The following POMT2 variants were observed in gnomAD, a reference collection of about 807,000 sequenced individuals.
POMT2 encodes the protein protein O-mannosyl-transferase 2.
POMT2 carries 75 observed loss-of-function variants against 100.0 expected under a neutral mutation model. The ratio of observed to expected loss-of-function variants is 0.75; its 90% CI spans 0.62 to 0.91. The LOEUF (loss-of-function observed/expected upper bound fraction) is 0.91. Among genes scored for constraint, POMT2 ranks in the 40% least tolerant of loss-of-function variants. The pLI, the probability that POMT2 is intolerant of heterozygous loss-of-function variation, is 0.00. For synonymous variants in POMT2, 378 were observed against 374.1 expected, an observed-to-expected ratio of 1.01 and a Z score of -0.12; for missense variants, 940 against 955.1, an observed-to-expected ratio of 0.98 and a Z score of 0.21.
chr14:77,318,982 C>A (rs1160553584), intron 1 of POMT2, among the ~76,000 whole-genome samples: 1 of 152,126 alleles, frequency 6.6e-6, no homozygotes, highest in Non-Finnish European at 1.5e-5. Flanking sequence ...GTGATCTGCC[C>A]GCCTCGGCCT....
At position 77,299,682 on chromosome 14, in the gene POMT2, G is replaced by A. The variant is rs2287389; in HGVS notation, c.817-121C>T. ...TCATAATCATAAAAAATGGCCAAGA[G>A]GAGAGAGAAGAATATGTGGAAACCC... On this transcript the variant is annotated intron_variant, in intron 6 of 20. Coordinates refer to ENST00000261534, the MANE Select transcript of POMT2 (RefSeq NM_013382.7). 189,124 of 760,652 alleles carry A rather than the reference G, an allele frequency of 0.25. 25,682 individuals carry two copies. The highest frequency in any genetic ancestry group is 0.47 in the East Asian group (16,531 of 35,178). The allele number at this position is 760,652 out of a possible 1,614,324, so 47.1% of individuals were successfully genotyped here.
intron 1 of POMT2, among the ~76,000 whole-genome samples, chr14:77,314,297 A>C (rs1891547121): frequency 6.6e-6 from 1 of 152,198 alleles, no homozygotes; most frequent in African/African-American, 2.4e-5. Context: ...CTGCATGTGC[A>C]AGCATTCATC....
intron 11 of POMT2, 97 bp downstream of exon 11, chr14:77,288,665 G>A (rs896238161): frequency 1.9e-6 from 2 of 1,038,008 alleles, no homozygotes; most frequent in Non-Finnish European, 1.5e-6. Context: ...CCATTGACCA[G>A]AGCCTCATCA....
At position 77,279,849 on chromosome 14, in the gene POMT2, CCT is replaced by C. The variant is rs1555351849; in HGVS notation, c.1863_1864del (p.Ala623ThrfsTer156). On this transcript the variant is annotated frameshift_variant, in exon 18 of 21. Transcript: ENST00000261534. LOFTEE classifies it high-confidence loss of function. ...TGCAACCTCCGCTGGCAGCCGTGCCCCTCTCTGCATGGCTACAGCAATGATGC... is the reference window on the plus strand; with the variant it reads ...TGCAACCTCCGCTGGCAGCCGTGCCCCTCTGCATGGCTACAGCAATGATGC... 4.3e-6 allele frequency: 7 copies of C among 1,613,884 alleles called. No individual in the cohort carries two copies. Among genetic ancestry groups the C allele is most frequent in the Non-Finnish European group, 5.9e-6 (7 of 1,179,992 alleles).
chr14:77,311,175 G>A (rs1891423107), intron 2 of POMT2, among the ~76,000 whole-genome samples: 1 of 152,164 alleles, frequency 6.6e-6, no homozygotes, highest in African/African-American at 2.4e-5. Flanking sequence ...AATTCTAATT[G>A]GTTGAATTTC....
At chr14:77,278,684 C>G (rs776482910) in intron 19 of POMT2, 45 bp downstream of exon 19, 5 of 1,612,462 alleles carry the variant, frequency 3.1e-6, no homozygotes, top group Non-Finnish European at 4.2e-6. Flanking sequence ...CAGTGGCCCG[C>G]CCTCCACCTG....
chr14:77,286,603 C>T, intron 12 of POMT2, 141 bp downstream of exon 12: 2 of 1,260,054 alleles, frequency 1.6e-6, no homozygotes, highest in East Asian at 2.5e-5. Context: ...CCAAAAAGTG[C>T]CCAAATGTTA....
In POMT2 at chr14:77,278,892, A is replaced by T. The variant is rs749199820; in HGVS notation, c.1892-23T>A. On this transcript the variant is annotated intron_variant, in intron 18 of 20. Coordinates refer to ENST00000261534, the MANE Select transcript of POMT2 (RefSeq NM_013382.7). ...ACCCTGGGCCCAAGCAGCACAGCCC[A>T]GTCAGAAGACAAGGAGCGGGCAGAG... The T allele has an allele frequency of 7.4e-6, 12 of 1,610,940 alleles. No individual in the cohort carries two copies. The Admixed American group carries it at 2.0e-4, about 27-fold the overall frequency.
chr14:77,315,210 T>C (rs1433671950), intron 1 of POMT2, among the ~76,000 whole-genome samples: 4 of 152,160 alleles, frequency 2.6e-5, no homozygotes, highest in East Asian at 3.9e-4. Flanking sequence ...GGGACAGCCA[T>C]AGCAGTGCGC....
chr14:77,298,705 A>G lies in POMT2; in HGVS notation c.990T>C (p.Asn330=), dbSNP rs139202802. 8.1e-6 allele frequency: 13 copies of G among 1,613,764 alleles called. No individual in the cohort carries two copies. The highest frequency in any genetic ancestry group is 9.3e-6 in the Non-Finnish European group (11 of 1,179,924). Residue 330 remains asparagine, a synonymous_variant, in exon 8 of 21, where the codon AAT becomes AAC. Transcript: ENST00000261534. ...QARLSGNNLH[N]ASIPEHLAYG... is the part of the protein sequence containing the mutation. ...GACACTCACGTTCAGGGATGGAAGC[A>G]TTGTGCAGGTTGTTCCCTGAAAGCC...
chr14:77,320,548 G>C lies in POMT2; in HGVS notation c.134C>G (p.Pro45Arg), dbSNP rs753037500. The C allele has an allele frequency of 1.3e-5, 20 of 1,565,062 alleles. No individual in the cohort carries two copies. In the Admixed American group the frequency reaches 3.6e-4, roughly 28 times the overall value. The change falls in exon 1 of 21, where the codon CCT becomes CGT. Residue 45 changes from proline (P) to arginine (R), a missense_variant. By Grantham distance (103) the Pro-to-Arg change is moderately radical. Coordinates refer to ENST00000261534, the MANE Select transcript of POMT2 (RefSeq NM_013382.7). ...AEAVARSPKR[P>R]AWGSRRFEAV... Reference sequence around the variant, plus strand: ...CTCGAAGCGCCGTGAGCCCCAAGCAGGCCGTTTGGGGCTTCGCGCCACAGC... The same window carrying C: ...CTCGAAGCGCCGTGAGCCCCAAGCACGCCGTTTGGGGCTTCGCGCCACAGC...
At chr14:77,301,324 C>T (rs1891032895) in intron 5 of POMT2, 75 bp from the exon 6 acceptor site, 1 of 1,573,998 alleles carries the variant, frequency 6.4e-7, no homozygotes, top group Non-Finnish European at 8.7e-7. Context: ...GGGGACAGGG[C>T]AGTTCTCAGA....
chr14:77,302,872 T>C lies in POMT2; in HGVS notation c.619A>G (p.Met207Val), dbSNP rs531525138. ...PILMFFIMAA[M>V]LSMVKYNSCA... ...GAGTTGTACTTGACCATGCTCAGCATGGCAGCCATGATGAAGAACATCAGG... is the reference window on the plus strand; with the variant it reads ...GAGTTGTACTTGACCATGCTCAGCACGGCAGCCATGATGAAGAACATCAGG... Residue 207 changes from methionine to valine, a missense_variant, in exon 5 of 21, where the codon ATG becomes GTG. By Grantham distance (21) the Met-to-Val change is conservative. Coordinates refer to ENST00000261534, the MANE Select transcript of POMT2 (RefSeq NM_013382.7). 8 of 1,613,772 alleles carry C rather than the reference T, an allele frequency of 5.0e-6. No individual in the cohort carries two copies. The highest frequency in any genetic ancestry group is 6.8e-6 in the Non-Finnish European group (8 of 1,179,722).
intron 2 of POMT2, 82 bp from the exon 3 acceptor site, chr14:77,306,523 C>A (rs964073792): frequency 1.2e-5 from 18 of 1,520,044 alleles, no homozygotes; most frequent in Non-Finnish European, 1.6e-5. Flanking sequence ...TCCAGCTGCA[C>A]CCACAGACTT....
At position 77,312,020 on chromosome 14, in the gene POMT2, G is replaced by C. The variant is rs1402887960; in HGVS notation, c.262C>G (p.His88Asp). ...TAGTAACTTCCCATTTTTCCAAAGT[G>C]AGTCTCATCCCAACTAAAGGAAACA... is the stretch of plus-strand genomic sequence containing the variant. ...EPPHICWDETHFGKMGSYYIN... is the reference protein window; with the variant it reads ...EPPHICWDETDFGKMGSYYIN... The change falls in exon 2 of 21, where the codon CAC becomes GAC. Residue 88 changes from histidine to aspartate, a missense_variant. Transcript: ENST00000261534. 1 of 1,613,986 alleles carries C rather than the reference G, an allele frequency of 6.2e-7. No individual in the cohort carries two copies. Among genetic ancestry groups the C allele is most frequent in the South Asian group, 1.1e-5 (1 of 91,066 alleles).
chr14:77,288,763 C>T lies in POMT2; in HGVS notation c.1252G>A (p.Glu418Lys), dbSNP rs1325687407. 6.2e-7 allele frequency: 1 copy of T among 1,613,662 alleles called. No individual in the cohort carries two copies. The highest frequency in any genetic ancestry group is 1.1e-5 in the South Asian group (1 of 91,066). The change falls in exon 11 of 21, where the codon GAA becomes AAA. Residue 418 changes from glutamate (E) to lysine (K), a missense_variant and splice_region_variant. Transcript: ENST00000261534. ...HGDIIRLEHKETSRNLHSHYH... is the reference protein window; with the variant it reads ...HGDIIRLEHKKTSRNLHSHYH... ...TATCCAAACTGCAAATTGACTTACT[C>T]TTTGTGTTCTAGTCGAATAATGTCT...
rs2139552417 is a variant in POMT2 at position 77,320,685 on chromosome 14, C to T, written c.-4G>A. On this transcript the variant is annotated 5_prime_UTR_variant, in exon 1 of 21. Transcript: ENST00000261534. The stretch of plus-strand genomic sequence containing the variant: ...CTCCGCCCGTGGCCGGCGGCATCTT[C>T]CCCCTCCTCTGGGTCGCCCTCCGGC... 6.3e-7 allele frequency: 1 copy of T among 1,593,236 alleles called. No homozygotes were observed. Among genetic ancestry groups the T allele is most frequent in the East Asian group, 2.2e-5 (1 of 44,656 alleles).
chr14:77,300,451 A>T (rs989832669), intron 6 of POMT2: 2 of 156,098 alleles, frequency 1.3e-5, no homozygotes, highest in Non-Finnish European at 2.8e-5. Context: ...GCATAGAATC[A>T]GCCCTTAATA....
chr14:77,304,447 G>A (rs1266985104), intron 4 of POMT2, among the ~76,000 whole-genome samples: 1 of 152,158 alleles, frequency 6.6e-6, no homozygotes, highest in Non-Finnish European at 1.5e-5. Context: ...TAACGTGGAG[G>A]TAAATCTATT....
Sources: allele counts gnomAD v4.1 joint callset (sites outside exome capture counted in the v4.1 genomes callset), GRCh38; gene constraint gnomAD v4.1.1; transcripts MANE v1.5; gene names NCBI Gene and HGNC (gene_info 2026-07-23, HGNC 2026-07-21).